The following GABBR2 variants were observed in gnomAD, a reference collection of about 807,000 sequenced individuals.
GABBR2 encodes G-protein coupled receptor 51.
In GABBR2, 23 loss-of-function variants were observed where a neutral mutation model predicts 105.6. The observed-to-expected ratio is 0.22, with a 90% CI of 0.16 to 0.31. GABBR2 has a LOEUF of 0.31. GABBR2 is among the 10% of genes least tolerant of loss of function. GABBR2 has a pLI of 1.00. For missense variants in GABBR2, 734 were observed against 1,245.5 expected (o/e 0.59, Z 6.18); for synonymous variants, 478 against 499.7 (o/e 0.96, Z 0.58).
At chr9:98,307,680 C>T (rs776089904) in intron 14 of GABBR2, among the ~76,000 whole-genome samples, 1 of 151,800 alleles carries the variant, frequency 6.6e-6, no homozygotes, top group Non-Finnish European at 1.5e-5. Context: ...CTCTCAGGAC[C>T]TTACTTTCAA....
intron 13 of GABBR2, among the ~76,000 whole-genome samples, chr9:98,344,256 C>G (rs774300500): frequency 1.9e-4 from 29 of 152,200 alleles, no homozygotes; most frequent in Admixed American, 6.5e-5. Context: ...TCTCCCTGAA[C>G]TTCAGATCCG....
intron 7 of GABBR2, among the ~76,000 whole-genome samples, chr9:98,441,966 AGTCT>A (rs1564070499): frequency 6.6e-6 from 1 of 152,212 alleles, no homozygotes; most frequent in East Asian, 1.9e-4. Flanking sequence ...GTGTCCCATG[AGTCT>A]GTCTGAATGA....
chr9:98,538,514 C>T, intron 3 of GABBR2: 3 of 690,216 alleles, frequency 4.3e-6, no homozygotes, highest in Non-Finnish European at 5.4e-6. Context: ...AGACCCAAGT[C>T]CTGAGCAGCC....
At chr9:98,522,655 A>G (rs533186254) in intron 3 of GABBR2, among the ~76,000 whole-genome samples, 1 of 152,362 alleles carries the variant, frequency 6.6e-6, no homozygotes, top group Admixed American at 6.5e-5. Context: ...GGGCATAGAT[A>G]TAAAACTCAT....
chr9:98,601,390 A>G (rs549040329), intron 1 of GABBR2, among the ~76,000 whole-genome samples: 5 of 152,256 alleles, frequency 3.3e-5, no homozygotes, highest in African/African-American at 4.8e-5. Flanking sequence ...GGCGGTGCAC[A>G]TCTGTAGTCC....
At chr9:98,505,167 A>T (rs995015664) in intron 3 of GABBR2, among the ~76,000 whole-genome samples, 1 of 152,208 alleles carries the variant, frequency 6.6e-6, no homozygotes, top group African/African-American at 2.4e-5. Context: ...ATGCTTAAAA[A>T]CTTATCCATG....
intron 1 of GABBR2, among the ~76,000 whole-genome samples, chr9:98,663,043 C>T (rs1380171320): frequency 6.6e-6 from 1 of 152,124 alleles, no homozygotes; most frequent in Non-Finnish European, 1.5e-5. Flanking sequence ...TGAGAGGACC[C>T]TCCCATGATA....
At chr9:98,362,654 T>G in intron 13 of GABBR2, 61 bp downstream of exon 13, 1 of 1,379,340 alleles carries the variant, frequency 7.2e-7, no homozygotes, top group Non-Finnish European at 9.5e-7. Context: ...GCAGCCTCAC[T>G]GTCCTCATGT....
intron 1 of GABBR2, among the ~76,000 whole-genome samples, chr9:98,633,668 C>A (rs1829842892): frequency 1.3e-5 from 2 of 151,306 alleles, no homozygotes; most frequent in Admixed American, 6.6e-5. Context: ...ATAAAAGGCC[C>A]ATCCTCAATA....
At chr9:98,443,721 CAGAG>C (rs1434067933) in intron 7 of GABBR2, among the ~76,000 whole-genome samples, 2 of 152,146 alleles carry the variant, frequency 1.3e-5, no homozygotes, top group East Asian at 3.8e-4. Context: ...ACCAGGGGTA[CAGAG>C]AGAATTACAG....
intron 13 of GABBR2, among the ~76,000 whole-genome samples, chr9:98,352,283 T>C (rs1831412556): frequency 6.6e-6 from 1 of 152,088 alleles, no homozygotes; most frequent in African/African-American, 2.4e-5. Context: ...AGGTATTGTG[T>C]GTGGACATCA....
intron 3 of GABBR2, among the ~76,000 whole-genome samples, chr9:98,538,220 T>A (rs565213722): frequency 1.3e-5 from 2 of 152,300 alleles, no homozygotes; most frequent in East Asian, 1.9e-4. Context: ...GAAAAGTGGA[T>A]CTCTATGAGG....
chr9:98,638,967 A>G (rs1360638877), intron 1 of GABBR2, among the ~76,000 whole-genome samples: 1 of 152,208 alleles, frequency 6.6e-6, no homozygotes, highest in Non-Finnish European at 1.5e-5. Context: ...TGGTCTGGTG[A>G]TATTTTCCAG....
intron 7 of GABBR2, among the ~76,000 whole-genome samples, chr9:98,409,952 G>A (rs1537960): frequency 0.24 from 36,889 of 152,056 alleles, 5,707 homozygotes; most frequent in Admixed American, 0.43. Flanking sequence ...GTCATCAAAG[G>A]TCGCTGGGGC....
At chr9:98,500,910 G>C (rs1827384702) in intron 3 of GABBR2, among the ~76,000 whole-genome samples, 1 of 152,170 alleles carries the variant, frequency 6.6e-6, no homozygotes, top group Non-Finnish European at 1.5e-5. Flanking sequence ...CCAGGGTGGG[G>C]TCCAGCACCC....
chr9:98,551,263 C>T (rs768385959), intron 2 of GABBR2, among the ~76,000 whole-genome samples: 7 of 152,094 alleles, frequency 4.6e-5, no homozygotes, highest in Non-Finnish European at 7.4e-5. Context: ...ATTAGCCGGG[C>T]GTGGTGGTGG....
chr9:98,541,869 G>A lies in GABBR2; in HGVS notation c.630+4C>T, dbSNP rs758380768. On this transcript the variant is annotated splice_donor_region_variant and intron_variant, in intron 3 of 18. Coordinates refer to ENST00000259455, the MANE Select transcript of GABBR2 (RefSeq NM_005458.8). Reference sequence around the variant, plus strand: ...CAGGCCGTGTCCACACAAGCCGAGCGTACCTCAGAGAACCTCTGAACGTCT... The same window carrying A: ...CAGGCCGTGTCCACACAAGCCGAGCATACCTCAGAGAACCTCTGAACGTCT... 13 of 1,613,640 alleles carry A rather than the reference G, an allele frequency of 8.1e-6. No individual in the cohort carries two copies. Among genetic ancestry groups the A allele is most frequent in the Middle Eastern group, 1.7e-4 (1 of 6,024 alleles).
intron 1 of GABBR2, among the ~76,000 whole-genome samples, chr9:98,679,455 T>C (rs1830513730): frequency 6.6e-6 from 1 of 152,206 alleles, no homozygotes; most frequent in Non-Finnish European, 1.5e-5. Flanking sequence ...TCACTCACAA[T>C]AGTGACAAAG....
intron 10 of GABBR2, among the ~76,000 whole-genome samples, chr9:98,387,189 TTCTA>T (rs982318048): frequency 1.3e-5 from 2 of 152,162 alleles, no homozygotes; most frequent in African/African-American, 4.8e-5. Context: ...AATATTTTTT[TTCTA>T]TCTTTCTGCA....
Sources: allele counts gnomAD v4.1 joint callset (sites outside exome capture counted in the v4.1 genomes callset), GRCh38; gene constraint gnomAD v4.1.1; transcripts MANE v1.5; gene names NCBI Gene and HGNC (gene_info 2026-07-23, HGNC 2026-07-21).